The following CDH12 variants were observed in gnomAD, a reference collection of about 807,000 sequenced individuals.
The protein encoded by CDH12 is cadherin-12.
A neutral mutation model predicts 74.1 loss-of-function variants in CDH12; 41 were observed. That is an observed-to-expected ratio of 0.55 (90% CI 0.43 to 0.72). CDH12 has a LOEUF of 0.72. Among genes scored for constraint, CDH12 ranks in the 30% least tolerant of loss-of-function variants. CDH12 has a pLI of 0.00. For missense variants in CDH12, 945 were observed against 977.2 expected, an observed-to-expected ratio of 0.97 and a Z score of 0.44; for synonymous variants, 399 against 355.0, an observed-to-expected ratio of 1.12 and a Z score of -1.39.
chr5:22,763,057 T>C (rs1220373635), intron 1 of CDH12, among the ~76,000 whole-genome samples: 1 of 152,042 alleles, frequency 6.6e-6, no homozygotes, highest in East Asian at 1.9e-4. Flanking sequence ...TCTGCCTTGA[T>C]GCCATATGCC....
intron 2 of CDH12, among the ~76,000 whole-genome samples, chr5:22,452,879 G>GAAA (rs1745101531): frequency 1.6e-4 from 1 of 6,444 alleles, no homozygotes. Context: ...CAACCTAAGA[G>GAAA]CAAAAAAAAA....
In CDH12 at chr5:22,206,509, C is replaced by A. The variant is rs117427505; in HGVS notation, c.-187+5989G>T. 3.0e-3 allele frequency among the ~76,000 whole-genome samples: 449 copies of A among 151,838 alleles called. 22 individuals carry two copies. In the East Asian group the frequency reaches 0.078, roughly 26 times the overall value. On this transcript the variant is annotated intron_variant, in intron 4 of 14. Coordinates refer to ENST00000382254, the MANE Select transcript of CDH12 (RefSeq NM_004061.5). The stretch of plus-strand genomic sequence containing the variant: ...TTTCTTTTCTACAGCTGAAAGAAAT[C>A]TACCAAAGTTTTGACCTACTAAACC...
intron 6 of CDH12, among the ~76,000 whole-genome samples, chr5:21,905,165 A>G (rs976213370): frequency 3.3e-5 from 5 of 152,230 alleles, no homozygotes; most frequent in African/African-American, 1.2e-4. Flanking sequence ...TGTGCGGTGA[A>G]GCAGGAAGAG....
intron 5 of CDH12, among the ~76,000 whole-genome samples, chr5:22,064,084 A>C (rs1007054859): frequency 2.6e-5 from 4 of 152,074 alleles, no homozygotes; most frequent in Non-Finnish European, 5.9e-5. Context: ...GGGTCCACTT[A>C]TATGTGGAAA....
intron 2 of CDH12, among the ~76,000 whole-genome samples, chr5:22,442,493 C>T (rs1744665112): frequency 6.6e-6 from 1 of 152,076 alleles, no homozygotes; most frequent in East Asian, 1.9e-4. Context: ...CTATGTTTTC[C>T]TTTTATGTTT....
intron 4 of CDH12, among the ~76,000 whole-genome samples, chr5:22,154,371 G>T (rs1480043811): frequency 6.7e-6 from 1 of 150,274 alleles, no homozygotes; most frequent in Non-Finnish European, 1.5e-5. Flanking sequence ...TCTATCCTTT[G>T]ACCAACATCT....
chr5:22,309,686 G>T (rs1250339217), intron 3 of CDH12, among the ~76,000 whole-genome samples: 1 of 151,706 alleles, frequency 6.6e-6, no homozygotes, highest in Non-Finnish European at 1.5e-5. Flanking sequence ...TGTACATTAG[G>T]TATCTATATG....
intron 1 of CDH12, among the ~76,000 whole-genome samples, chr5:22,797,587 A>G (rs1011791318): frequency 6.6e-6 from 1 of 152,232 alleles, no homozygotes; most frequent in Non-Finnish European, 1.5e-5. Flanking sequence ...AAACAAGAGT[A>G]AAAAACAATA....
intron 1 of CDH12, among the ~76,000 whole-genome samples, chr5:22,521,713 T>G (rs542386556): frequency 6.6e-6 from 1 of 152,276 alleles, no homozygotes; most frequent in African/African-American, 2.4e-5. Flanking sequence ...CTGTTGCAAC[T>G]CTTGTGGTGT....
intron 3 of CDH12, among the ~76,000 whole-genome samples, chr5:22,353,665 A>T (rs988950501): frequency 4.6e-5 from 7 of 152,170 alleles, no homozygotes; most frequent in Non-Finnish European, 1.0e-4. Context: ...AAAAAAATAC[A>T]GACCTATATG....
chr5:22,290,850 A>T (rs944686181), intron 3 of CDH12, among the ~76,000 whole-genome samples: 1 of 152,194 alleles, frequency 6.6e-6, no homozygotes. Context: ...TAAGGAAACT[A>T]AAGCGGTAAT....
chr5:22,723,886 G>A (rs1744024832), intron 1 of CDH12, among the ~76,000 whole-genome samples: 1 of 151,932 alleles, frequency 6.6e-6, no homozygotes, highest in Non-Finnish European at 1.5e-5. Flanking sequence ...CGCACACTCA[G>A]CTCATAGGGT....
At chr5:22,393,995 G>GA (rs763763203) in intron 3 of CDH12, among the ~76,000 whole-genome samples, 5 of 151,786 alleles carry the variant, frequency 3.3e-5, no homozygotes, top group Non-Finnish European at 5.9e-5. Flanking sequence ...AACTGTGAGA[G>GA]AAAAAAATAA....
chr5:22,307,572 C>T (rs7725838), intron 3 of CDH12, among the ~76,000 whole-genome samples: 1,586 of 152,204 alleles, frequency 0.01, 32 homozygotes, highest in African/African-American at 0.036. Context: ...TATATGACTC[C>T]ACGTTATTAC....
At chr5:21,792,554 T>A (rs1356160347) in intron 10 of CDH12, among the ~76,000 whole-genome samples, 1 of 151,436 alleles carries the variant, frequency 6.6e-6, no homozygotes, top group Admixed American at 6.6e-5. Context: ...ATTATAATTG[T>A]TGTATTTGTA....
At chr5:22,606,807 T>G (rs6863057) in intron 1 of CDH12, among the ~76,000 whole-genome samples, 1,826 of 152,256 alleles carry the variant, frequency 0.012, 34 homozygotes, top group African/African-American at 0.041. Context: ...AGGTAGAATT[T>G]GGAACAGTTT....
intron 6 of CDH12, among the ~76,000 whole-genome samples, chr5:21,936,123 T>C (rs879425410): frequency 1.4e-4 from 22 of 152,182 alleles, no homozygotes; most frequent in Non-Finnish European, 3.1e-4. Flanking sequence ...GTGGGATTGC[T>C]GGATCATATG....
intron 10 of CDH12, among the ~76,000 whole-genome samples, chr5:21,787,719 A>G (rs1426490998): frequency 6.6e-6 from 1 of 152,146 alleles, no homozygotes; most frequent in African/African-American, 2.4e-5. Flanking sequence ...TGTTTATTGG[A>G]GGAATGAGAA....
In CDH12 at chr5:22,071,179, AAAAT is replaced by A. The variant is rs1441250133; in HGVS notation, c.231+7263_231+7266del. Among the ~76,000 whole-genome samples, 7 of 152,204 alleles carry A rather than the reference AAAAT, an allele frequency of 4.6e-5. No homozygotes were observed. The East Asian group carries it at 7.7e-4, about 17-fold the overall frequency. On this transcript the variant is annotated intron_variant, in intron 5 of 14. Transcript: ENST00000382254. The stretch of plus-strand genomic sequence containing the variant: ...TAATAAAATTGTTTGCATAAAATTA[AAAAT>A]AAATAAATAATATTTTCTTTTTTTC...
Sources: gnomAD v4.1 joint callset for allele counts (sites outside exome capture counted in the v4.1 genomes callset) on GRCh38, gnomAD v4.1.1 for gene constraint, MANE v1.5 for transcripts, NCBI Gene and HGNC (gene_info 2026-07-23, HGNC 2026-07-21) for gene names.